The following ITGB1 variants were observed in gnomAD, a reference collection of about 807,000 sequenced individuals.
The protein encoded by ITGB1 is integrin subunit beta 1.
A neutral mutation model predicts 86.5 loss-of-function variants in ITGB1; 24 were observed. The ratio of observed to expected loss-of-function variants is 0.28; its 90% confidence interval spans 0.20 to 0.39. The LOEUF (loss-of-function observed/expected upper bound fraction) is 0.39. Ranked by LOEUF, ITGB1 falls within the 10% of genes least tolerant of loss-of-function variation. The pLI is 1.00. For synonymous variants in ITGB1, 323 were observed against 316.8 expected, an observed-to-expected ratio of 1.02 and a Z score of -0.21; for missense variants, 556 against 946.9, an observed-to-expected ratio of 0.59 and a Z score of 5.42.
chr10:32,947,955 C>A (rs1478002465), intron 1 of ITGB1, among the ~76,000 whole-genome samples: 1 of 151,312 alleles, frequency 6.6e-6, no homozygotes, highest in African/African-American at 2.4e-5. Flanking sequence ...CCAAATGTTA[C>A]AGGAAGCGCT....
At chr10:32,941,673 G>A (rs1359252452) in intron 1 of ITGB1, among the ~76,000 whole-genome samples, 1 of 152,154 alleles carries the variant, frequency 6.6e-6, no homozygotes, top group Non-Finnish European at 1.5e-5. Context: ...GACAGGAGCT[G>A]GAAGACAAAT....
intron 4 of ITGB1, among the ~76,000 whole-genome samples, chr10:32,928,492 T>G (rs2094972688): frequency 1.3e-5 from 2 of 152,184 alleles, no homozygotes; most frequent in Non-Finnish European, 2.9e-5. Flanking sequence ...ATAAAAAAGA[T>G]ATTCCCAATC....
chr10:32,952,950 C>T (rs1158288258), intron 1 of ITGB1, among the ~76,000 whole-genome samples: 2 of 152,150 alleles, frequency 1.3e-5, no homozygotes, highest in Non-Finnish European at 2.9e-5. Context: ...TCTCATCAGG[C>T]TAGTATTGGA....
intron 15 of ITGB1, among the ~76,000 whole-genome samples, chr10:32,907,990 A>G (rs1284367447): frequency 1.3e-5 from 2 of 152,100 alleles, no homozygotes; most frequent in African/African-American, 4.8e-5. Context: ...GCTTTCACTG[A>G]AGGTTTTTTT....
chr10:32,934,258 A>T (rs1308178838), intron 2 of ITGB1, among the ~76,000 whole-genome samples: 1 of 152,208 alleles, frequency 6.6e-6, no homozygotes, highest in Non-Finnish European at 1.5e-5. Context: ...AAGTGTCTGT[A>T]CTGAACATGT....
chr10:32,910,897 T>C (rs781166045), intron 13 of ITGB1, among the ~76,000 whole-genome samples: 2 of 151,992 alleles, frequency 1.3e-5, no homozygotes, highest in Non-Finnish European at 2.9e-5. Context: ...CACCACCATA[T>C]CTGGCTAATT....
chr10:32,930,093 A>C, intron 3 of ITGB1, 49 bp from the exon 4 acceptor site: 1 of 790,150 alleles, frequency 1.3e-6, no homozygotes, highest in Non-Finnish European at 2.2e-6. Context: ...TAATGGTCAA[A>C]CCTTTTTACA....
At chr10:32,936,544 AG>A (rs1271536207) in intron 1 of ITGB1, among the ~76,000 whole-genome samples, 1 of 152,150 alleles carries the variant, frequency 6.6e-6, no homozygotes, top group Admixed American at 6.5e-5. Context: ...AAAAAAAAAG[AG>A]GGCATAAGAC....
intron 11 of ITGB1, among the ~76,000 whole-genome samples, chr10:32,914,234 T>G (rs1246566320): frequency 6.6e-6 from 1 of 152,164 alleles, no homozygotes; most frequent in African/African-American, 2.4e-5. Context: ...AGACCATCGA[T>G]GCTAGGAAGA....
chr10:32,954,019 C>T (rs528790626), intron 1 of ITGB1, among the ~76,000 whole-genome samples: 2 of 152,248 alleles, frequency 1.3e-5, no homozygotes, highest in Admixed American at 1.3e-4. Flanking sequence ...TAAAAGTGTT[C>T]CCAGGTCCTC....
chr10:32,956,967 C>T (rs755505510), intron 1 of ITGB1, among the ~76,000 whole-genome samples: 6 of 152,056 alleles, frequency 3.9e-5, no homozygotes, highest in African/African-American at 7.2e-5. Flanking sequence ...GGAACTAGAC[C>T]CCATGCCTTC....
chr10:32,919,168 A>G (rs2094941076), intron 11 of ITGB1, among the ~76,000 whole-genome samples: 1 of 152,230 alleles, frequency 6.6e-6, no homozygotes, highest in Non-Finnish European at 1.5e-5. Flanking sequence ...CTAAAGCCAT[A>G]TATTTCTTTC....
intron 1 of ITGB1, among the ~76,000 whole-genome samples, chr10:32,937,451 G>C (rs930205172): frequency 2.0e-5 from 3 of 151,444 alleles, no homozygotes; most frequent in African/African-American, 7.3e-5. Flanking sequence ...AGCTTCTCAG[G>C]AGGCTGAGGC....
chr10:32,906,958 AAGCC>A, intron 15 of ITGB1: 1 of 532,620 alleles, frequency 1.9e-6, no homozygotes, highest in Non-Finnish European at 3.4e-6. Flanking sequence ...GCGATATTTA[AAGCC>A]AGACTTAAAA....
intron 11 of ITGB1, among the ~76,000 whole-genome samples, chr10:32,913,635 G>A (rs549607004): frequency 7.2e-5 from 11 of 152,116 alleles, no homozygotes; most frequent in Non-Finnish European, 1.0e-4. Context: ...AAAAAGAAAC[G>A]AACAAAGCCT....
In ITGB1 at chr10:32,912,039, C is replaced by G. The variant is rs1276253145; in HGVS notation, c.1555G>C (p.Glu519Gln). Reference sequence around the variant, plus strand: ...TTACTGCAGATTTCTGAACTGTTTTCTTTCCTGCAGTAAGCATCCATGTCT... The same window carrying G: ...TTACTGCAGATTTCTGAACTGTTTTGTTTCCTGCAGTAAGCATCCATGTCT... ...SEDMDAYCRK[E>Q]NSSEICSNNG... The change falls in exon 12 of 16, where the codon GAA becomes CAA. Residue 519 changes from glutamate to glutamine, a missense_variant. Physicochemically the swap from Glu to Gln is conservative, Grantham distance 29. Coordinates refer to ENST00000302278, the MANE Select transcript of ITGB1 (RefSeq NM_002211.4). The G allele has an allele frequency of 6.2e-7, 1 of 1,614,232 alleles. No individual in the cohort carries two copies.
chr10:32,916,035 T>C (rs1486107467), intron 11 of ITGB1, among the ~76,000 whole-genome samples: 1 of 152,174 alleles, frequency 6.6e-6, no homozygotes, highest in Admixed American at 6.5e-5. Context: ...TAATCCATCA[T>C]ATAAACAGAA....
intron 1 of ITGB1, chr10:32,944,754 G>A: frequency 2.8e-6 from 2 of 713,436 alleles, no homozygotes; most frequent in Admixed American, 3.5e-5. Flanking sequence ...ATTAAACAAT[G>A]CCTTACTGCT....
intron 15 of ITGB1, among the ~76,000 whole-genome samples, chr10:32,903,710 C>A (rs1456307048): frequency 6.6e-6 from 1 of 152,116 alleles, no homozygotes; most frequent in Non-Finnish European, 1.5e-5. Flanking sequence ...GATGACAAAA[C>A]TGTGTACATC....
Sources: gnomAD v4.1 joint callset for allele counts (sites outside exome capture counted in the v4.1 genomes callset) on GRCh38, gnomAD v4.1.1 for gene constraint, MANE v1.5 for transcripts, NCBI Gene and HGNC (gene_info 2026-07-23, HGNC 2026-07-21) for gene names.